The following MYO6 variants were observed in gnomAD, a reference collection of about 807,000 sequenced individuals.
The protein encoded by MYO6 is myosin VI.
Under a neutral mutation model 178.7 loss-of-function variants are expected in MYO6, and 74 were observed. The ratio of observed to expected loss-of-function variants is 0.41; its 90% CI spans 0.34 to 0.50. The LOEUF (loss-of-function observed/expected upper bound fraction) is 0.50. MYO6 is among the 20% of genes least tolerant of loss of function. MYO6 has a pLI of 0.09. For missense variants in MYO6, 1,330 were observed against 1,547.4 expected (o/e 0.86, Z 2.36); for synonymous variants, 477 against 504.6 (o/e 0.95, Z 0.73).
intron 15 of MYO6, 113 bp from the exon 16 acceptor site, chr6:75,862,483 C>T (rs1281992558): frequency 4.3e-6 from 4 of 936,888 alleles, no homozygotes; most frequent in South Asian, 2.8e-5. Flanking sequence ...TATAGAATCA[C>T]ATGCTATGTT....
chr6:75,832,767 TC>T, intron 5 of MYO6, 74 bp from the exon 6 acceptor site: 1 of 849,558 alleles, frequency 1.2e-6, no homozygotes, highest in South Asian at 1.4e-5. Flanking sequence ...GAGTAAGTGG[TC>T]CTAAAGTGAA....
At chr6:75,860,976 A>G (rs746000833) in intron 14 of MYO6, 47 bp from the exon 15 acceptor site, 2 of 1,312,038 alleles carry the variant, frequency 1.5e-6, no homozygotes, top group Non-Finnish European at 2.2e-6. Flanking sequence ...AAAATTCACT[A>G]TTGCTCAGTA....
chr6:75,865,466 C>T (rs916091783), intron 16 of MYO6: 2 of 143,762 alleles, frequency 1.4e-5, no homozygotes, highest in African/African-American at 5.1e-5. Context: ...CGGGCTCAAA[C>T]CATCCTCCCA....
At chr6:75,823,547 G>T (rs1203976399) in intron 3 of MYO6, among the ~76,000 whole-genome samples, 1 of 152,204 alleles carries the variant, frequency 6.6e-6, no homozygotes, top group African/African-American at 2.4e-5. Flanking sequence ...ATTATGTACA[G>T]TTGTCAAGGT....
At chr6:75,835,870 A>G in intron 6 of MYO6, 31 bp from the exon 7 acceptor site, 2 of 1,309,174 alleles carry the variant, frequency 1.5e-6, no homozygotes, top group East Asian at 4.6e-5. Context: ...TATTATTGTC[A>G]TCAACATTTT....
In MYO6 at chr6:75,918,044, C is replaced by T. The variant is rs1028807508; in HGVS notation, c.*3032C>T. On this transcript the variant is annotated 3_prime_UTR_variant, in exon 35 of 35. Transcript: ENST00000369977. ...AGAGGTCAAGTAATTTAGTTGTAGACTGAAAAATATATCAAAGCCTTTGCT... is the reference window on the plus strand; with the variant it reads ...AGAGGTCAAGTAATTTAGTTGTAGATTGAAAAATATATCAAAGCCTTTGCT... The T allele has an allele frequency of 6.6e-6, 1 of 152,236 alleles. No individual in the cohort carries two copies. The highest frequency in any genetic ancestry group is 6.5e-5 in the Admixed American group (1 of 15,276). The allele number at this position is 152,236 out of a possible 1,614,324, so 9.4% of individuals were successfully genotyped here.
intron 1 of MYO6, among the ~76,000 whole-genome samples, chr6:75,773,120 G>A (rs1440836649): frequency 6.6e-6 from 1 of 152,148 alleles, no homozygotes; most frequent in East Asian, 1.9e-4. Flanking sequence ...AAACATGAGT[G>A]GTGAGAATGA....
chr6:75,807,978 G>T (rs989476641), intron 1 of MYO6, among the ~76,000 whole-genome samples: 1 of 152,072 alleles, frequency 6.6e-6, no homozygotes, highest in African/African-American at 2.4e-5. Context: ...TGCCTCTGAC[G>T]CTCTTCCATT....
chr6:75,915,197 CATT>C lies in MYO6; in HGVS notation c.*189_*191del. 1 of 635,222 alleles carries C rather than the reference CATT, an allele frequency of 1.6e-6. No individual in the cohort carries two copies. Among genetic ancestry groups the C allele is most frequent in the Admixed American group, 2.7e-5 (1 of 36,676 alleles). 39.3% of individuals were successfully genotyped at this position (635,222 alleles called of 1,614,324 possible). On this transcript the variant is annotated 3_prime_UTR_variant, in exon 35 of 35. Coordinates refer to ENST00000369977, the MANE Select transcript of MYO6 (RefSeq NM_004999.4). ...TATGGTAGCAAATTTTGGACCTAAA[CATT>C]ATTTTTCTGTATCCCGCTGTAATTC...
chr6:75,866,812 C>T (rs948630595), intron 17 of MYO6, 120 bp from the exon 18 acceptor site: 11 of 1,160,430 alleles, frequency 9.5e-6, no homozygotes, highest in African/African-American at 1.5e-5. Context: ...GTGGTGACGG[C>T]GTTGGACAGT....
chr6:75,836,781 C>G (rs1773691275), intron 7 of MYO6, among the ~76,000 whole-genome samples: 1 of 152,036 alleles, frequency 6.6e-6, no homozygotes, highest in Non-Finnish European at 1.5e-5. Context: ...TGGGGTTTCA[C>G]CATGTTGGCC....
rs184314427 is a variant in MYO6 at position 75,894,236 on chromosome 6, T to C, written c.3108-995T>C. The stretch of plus-strand genomic sequence containing the variant: ...GGACCCCTTCCCATCTTCAGAAAGG[T>C]ACATGTCTTCCAGGTTGAGAAGAGT... On this transcript the variant is annotated intron_variant, in intron 28 of 34. Coordinates refer to ENST00000369977, the MANE Select transcript of MYO6 (RefSeq NM_004999.4). Among the ~76,000 whole-genome samples, 148 of 152,314 alleles carry C rather than the reference T, an allele frequency of 9.7e-4. 2 individuals carry two copies. The South Asian group carries it at 0.013, about 13-fold the overall frequency.
At chr6:75,876,984 T>A (rs1562275327) in intron 20 of MYO6, among the ~76,000 whole-genome samples, 1 of 152,210 alleles carries the variant, frequency 6.6e-6, no homozygotes, top group Non-Finnish European at 1.5e-5. Flanking sequence ...ATTACTATTT[T>A]TTTTTTTGAG....
intron 1 of MYO6, among the ~76,000 whole-genome samples, chr6:75,816,669 G>T (rs921871986): frequency 6.6e-6 from 1 of 152,212 alleles, no homozygotes; most frequent in Non-Finnish European, 1.5e-5. Flanking sequence ...AGCTTCGGGA[G>T]CACATCAGTC....
At chr6:75,880,167 T>C in intron 22 of MYO6, 47 bp downstream of exon 22, 1 of 1,310,850 alleles carries the variant, frequency 7.6e-7, no homozygotes. Context: ...TGAAAACAAA[T>C]AGTTGGGGTT....
At chr6:75,810,946 G>C (rs1234406056) in intron 1 of MYO6, among the ~76,000 whole-genome samples, 1 of 152,204 alleles carries the variant, frequency 6.6e-6, no homozygotes, top group Admixed American at 6.5e-5. Flanking sequence ...GTTCGAGGCT[G>C]CAGTGACCTA....
chr6:75,757,343 A>G (rs1562114791), intron 1 of MYO6, among the ~76,000 whole-genome samples: 1 of 149,540 alleles, frequency 6.7e-6, no homozygotes, highest in Admixed American at 6.7e-5. Context: ...ACATATACAT[A>G]TAGAACATCA....
At chr6:75,771,804 G>C (rs1233570926) in intron 1 of MYO6, among the ~76,000 whole-genome samples, 1 of 152,142 alleles carries the variant, frequency 6.6e-6, no homozygotes, top group East Asian at 1.9e-4. Flanking sequence ...CTTTTTCAAA[G>C]ATCCCCAGGT....
rs1328085263 is a variant in MYO6, at chr6:75,916,313, A to G, written c.*1301A>G. On this transcript the variant is annotated 3_prime_UTR_variant, in exon 35 of 35. Coordinates refer to ENST00000369977, the MANE Select transcript of MYO6 (RefSeq NM_004999.4). ...AATTCCAGTGATTTCTTTTTTCCCTAGAAAGATTACCTCAGTTAGGGAAGT... is the reference window on the plus strand; with the variant it reads ...AATTCCAGTGATTTCTTTTTTCCCTGGAAAGATTACCTCAGTTAGGGAAGT... The G allele has an allele frequency of 6.6e-6, 1 of 152,284 alleles. No individual in the cohort carries two copies. The highest frequency in any genetic ancestry group is 1.5e-5 in the Non-Finnish European group (1 of 68,008). 9.4% of individuals were successfully genotyped at this position (152,284 alleles called of 1,614,324 possible).
Sources: allele counts gnomAD v4.1 joint callset (sites outside exome capture counted in the v4.1 genomes callset), GRCh38; gene constraint gnomAD v4.1.1; transcripts MANE v1.5; gene names NCBI Gene and HGNC (gene_info 2026-07-23, HGNC 2026-07-21).